The following GABRG3 variants were observed in gnomAD, a reference collection of about 807,000 sequenced individuals.
GABRG3 encodes gamma-aminobutyric acid type A receptor subunit gamma3, also known as gamma-aminobutyric acid receptor subunit gamma-3.
A neutral mutation model predicts 48.8 loss-of-function variants in GABRG3; 25 were observed. That is an observed-to-expected ratio of 0.51 (90% CI 0.37 to 0.72). GABRG3 has a LOEUF of 0.72. Ranked by LOEUF, GABRG3 falls within the 30% of genes least tolerant of loss-of-function variation. GABRG3 has a pLI of 0.00. For synonymous variants in GABRG3, 227 were observed against 217.6 expected (o/e 1.04, Z -0.38); for missense variants, 394 against 577.9 (o/e 0.68, Z 3.26).
At chr15:27,470,782 T>G (rs1889764691) in intron 5 of GABRG3, among the ~76,000 whole-genome samples, 1 of 152,190 alleles carries the variant, frequency 6.6e-6, no homozygotes, top group Non-Finnish European at 1.5e-5. Context: ...TTTTTTAATG[T>G]AGACAATTTT....
chr15:27,507,696 G>T (rs1890795217), intron 6 of GABRG3, among the ~76,000 whole-genome samples: 1 of 152,020 alleles, frequency 6.6e-6, no homozygotes, highest in South Asian at 2.1e-4. Context: ...GATTGTTCAA[G>T]TCTTCCATAT....
chr15:27,125,564 C>T (rs768844957), intron 3 of GABRG3, among the ~76,000 whole-genome samples: 13 of 152,070 alleles, frequency 8.5e-5, no homozygotes, highest in African/African-American at 2.9e-4. Context: ...ATATTATATA[C>T]GTATATTGAA....
intron 3 of GABRG3, among the ~76,000 whole-genome samples, chr15:27,159,414 G>A (rs577658840): frequency 6.6e-6 from 1 of 151,962 alleles, no homozygotes; most frequent in Non-Finnish European, 1.5e-5. Flanking sequence ...CCTGGGAGGT[G>A]GAGATTGCAG....
intron 3 of GABRG3, among the ~76,000 whole-genome samples, chr15:27,095,269 T>G (rs1465274464): frequency 6.6e-6 from 1 of 152,236 alleles, no homozygotes; most frequent in Admixed American, 6.5e-5. Flanking sequence ...TTTATATGGT[T>G]GTTTTGGCAA....
At chr15:27,070,490 G>C (rs1346717747) in intron 3 of GABRG3, among the ~76,000 whole-genome samples, 1 of 152,142 alleles carries the variant, frequency 6.6e-6, no homozygotes, top group Middle Eastern at 3.2e-3. Context: ...GTGAATATAA[G>C]TTTCACATCA....
At chr15:27,004,164 G>C (rs575895595) in intron 2 of GABRG3, among the ~76,000 whole-genome samples, 16 of 150,948 alleles carry the variant, frequency 1.1e-4, no homozygotes, top group Non-Finnish European at 2.2e-4. Flanking sequence ...GGTGGCTGCC[G>C]GGCGGAGAGG....
intron 3 of GABRG3, among the ~76,000 whole-genome samples, chr15:27,301,182 G>A (rs1273187191): frequency 6.6e-6 from 1 of 152,122 alleles, no homozygotes; most frequent in Non-Finnish European, 1.5e-5. Context: ...ATCGAAGAAG[G>A]ATAAGCGAAT....
intron 3 of GABRG3, among the ~76,000 whole-genome samples, chr15:27,198,631 C>G (rs1292302989): frequency 6.6e-6 from 1 of 152,176 alleles, no homozygotes; most frequent in African/African-American, 2.4e-5. Context: ...TTTGACCCAG[C>G]AATCCCATTA....
rs562706741 is a variant in GABRG3 at position 27,119,241 on chromosome 15, G to A, written c.270+92420G>A. 2.3e-4 allele frequency among the ~76,000 whole-genome samples: 35 copies of A among 152,234 alleles called. No homozygotes were observed. In the East Asian group the frequency reaches 5.2e-3, roughly 23 times the overall value. On this transcript the variant is annotated intron_variant, in intron 3 of 9. Coordinates refer to ENST00000615808, the MANE Select transcript of GABRG3 (RefSeq NM_033223.5). ...ACTGTCCACTCTTCATCAGACCCAA[G>A]CATAAACATATGCCATTTTCCCTGT...
At chr15:27,027,882 G>A (rs1566913192) in intron 3 of GABRG3, among the ~76,000 whole-genome samples, 1 of 152,118 alleles carries the variant, frequency 6.6e-6, no homozygotes, top group South Asian at 2.1e-4. Context: ...TATGTTTCTT[G>A]TTCTGGAGTT....
chr15:27,248,629 G>A (rs966157803), intron 3 of GABRG3, among the ~76,000 whole-genome samples: 8 of 152,086 alleles, frequency 5.3e-5, no homozygotes, highest in Non-Finnish European at 7.4e-5. Flanking sequence ...GCCCTGTACT[G>A]CCCACAGAGG....
chr15:27,107,504 T>G (rs1897471680), intron 3 of GABRG3, among the ~76,000 whole-genome samples: 1 of 152,078 alleles, frequency 6.6e-6, no homozygotes, highest in Non-Finnish European at 1.5e-5. Context: ...TTTCTTTTTT[T>G]GTAGTGTTTT....
intron 3 of GABRG3, among the ~76,000 whole-genome samples, chr15:27,171,478 C>T (rs1049354816): frequency 9.4e-5 from 14 of 148,342 alleles, no homozygotes; most frequent in African/African-American, 3.2e-4. Context: ...TCACTTTTCT[C>T]CCCAAATTGT....
chr15:27,123,817 C>T (rs960235465), intron 3 of GABRG3, among the ~76,000 whole-genome samples: 14 of 152,034 alleles, frequency 9.2e-5, no homozygotes, highest in Non-Finnish European at 1.9e-4. Context: ...CAGCAGGACT[C>T]GAACCAGGGA....
intron 3 of GABRG3, among the ~76,000 whole-genome samples, chr15:27,273,573 T>A (rs999022101): frequency 3.9e-5 from 6 of 152,190 alleles, no homozygotes; most frequent in African/African-American, 1.4e-4. Context: ...TCGTATGAGC[T>A]ATTCTCAGTC....
chr15:27,510,834 A>C (rs1420197165), intron 6 of GABRG3, among the ~76,000 whole-genome samples: 1 of 152,244 alleles, frequency 6.6e-6, no homozygotes, highest in Non-Finnish European at 1.5e-5. Context: ...GATTACGGGC[A>C]TGAAGTTAAA....
chr15:27,091,589 C>G (rs759248497), intron 3 of GABRG3, among the ~76,000 whole-genome samples: 1 of 152,164 alleles, frequency 6.6e-6, no homozygotes, highest in Non-Finnish European at 1.5e-5. Flanking sequence ...GCTATCTGAT[C>G]GTGGGCTTTT....
At chr15:27,084,590 A>T (rs1308160657) in intron 3 of GABRG3, among the ~76,000 whole-genome samples, 2 of 152,260 alleles carry the variant, frequency 1.3e-5, no homozygotes. Flanking sequence ...CACAAGAGTC[A>T]GAGAACCTTC....
At chr15:27,341,451 G>A (rs1003571428) in intron 5 of GABRG3, among the ~76,000 whole-genome samples, 4 of 152,192 alleles carry the variant, frequency 2.6e-5, no homozygotes, top group South Asian at 4.1e-4. Context: ...GGGTCAGCCC[G>A]ATGACTGCGC....
Sources: allele counts gnomAD v4.1 joint callset (sites outside exome capture counted in the v4.1 genomes callset), GRCh38; gene constraint gnomAD v4.1.1; transcripts MANE v1.5; gene names NCBI Gene and HGNC (gene_info 2026-07-23, HGNC 2026-07-21).